UGT3A2: variants seen among roughly 807,000 people sequenced by gnomAD.
UGT3A2 encodes UDP glycosyltransferase family 3 member A2, also known as UDP-glycosyltransferase 3A2.
UGT3A2 carries 32 observed loss-of-function variants against 39.8 expected under a neutral mutation model. The observed-to-expected ratio is 0.80, with a 90% CI of 0.61 to 1.08. UGT3A2 has a LOEUF of 1.08. Ranked by LOEUF, UGT3A2 falls within the 50% of genes least tolerant of loss-of-function variation. The pLI is 0.00. For missense variants in UGT3A2, 611 were observed against 637.1 expected (o/e 0.96, Z 0.44); for synonymous variants, 241 against 230.7 (o/e 1.04, Z -0.40).
intron 2 of UGT3A2, among the ~76,000 whole-genome samples, chr5:36,056,549 G>A (rs781298643): frequency 6.6e-6 from 1 of 152,196 alleles, no homozygotes; most frequent in Non-Finnish European, 1.5e-5. Flanking sequence ...GCAGACTCAG[G>A]CAAGTTGGTA....
chr5:36,056,630 C>T (rs150923645), intron 2 of UGT3A2, among the ~76,000 whole-genome samples: 6 of 152,318 alleles, frequency 3.9e-5, no homozygotes, highest in Non-Finnish European at 7.3e-5. Flanking sequence ...ATACTCTGAC[C>T]GTTTAATCCT....
At chr5:36,064,571 A>G (rs267770) in intron 1 of UGT3A2, among the ~76,000 whole-genome samples, 46,087 of 152,088 alleles carry the variant, frequency 0.3, 7,925 homozygotes, top group Non-Finnish European at 0.38. Flanking sequence ...TCCGTGAGAG[A>G]TTGCCTCTTG....
intron 4 of UGT3A2, among the ~76,000 whole-genome samples, chr5:36,040,742 A>G (rs1488166646): frequency 1.3e-5 from 2 of 152,174 alleles, no homozygotes; most frequent in African/African-American, 4.8e-5. Context: ...TGGGGTTCAA[A>G]ATAAACTTGA....
At chr5:36,058,155 G>T (rs1326242905) in intron 2 of UGT3A2, among the ~76,000 whole-genome samples, 1 of 152,114 alleles carries the variant, frequency 6.6e-6, no homozygotes, top group Non-Finnish European at 1.5e-5. Context: ...TGGATTAATG[G>T]ATAAACAAAA....
chr5:36,041,610 A>G (rs1183713249), intron 4 of UGT3A2, among the ~76,000 whole-genome samples: 1 of 152,140 alleles, frequency 6.6e-6, no homozygotes, highest in Non-Finnish European at 1.5e-5. Flanking sequence ...AATCCAAGGA[A>G]TTCTCCTGGC....
rs1742267662 is a variant in UGT3A2 at position 36,049,290 on chromosome 5, CAA to C, written c.440_441del (p.Phe147Ter). The C allele has an allele frequency of 2.5e-6, 4 of 1,614,108 alleles. No individual in the cohort carries two copies. In the East Asian group the frequency reaches 8.9e-5, roughly 36 times the overall value. On this transcript the variant is annotated frameshift_variant, in exon 4 of 7. Coordinates refer to ENST00000282507, the MANE Select transcript of UGT3A2 (RefSeq NM_174914.4). LOFTEE classifies it high-confidence loss of function. ...ENFDMVIVET[F>X]DYCPFLIAEK... ...TCAGCAATCAGGAAAGGACAGTAGTCAAAAGTTTCAACTATCACCATGTCGAA... is the reference window on the plus strand; with the variant it reads ...TCAGCAATCAGGAAAGGACAGTAGTCAAGTTTCAACTATCACCATGTCGAA...
chr5:36,040,208 T>A (rs1000187338), intron 4 of UGT3A2, among the ~76,000 whole-genome samples: 2 of 152,182 alleles, frequency 1.3e-5, no homozygotes, highest in Non-Finnish European at 2.9e-5. Flanking sequence ...GTCACTGATC[T>A]TTTTGTACAC....
At position 36,066,808 on chromosome 5, in the gene UGT3A2, C is replaced by G; in HGVS notation, c.-19G>C. 1 of 1,614,146 alleles carries G rather than the reference C, an allele frequency of 6.2e-7. No individual in the cohort carries two copies. The highest frequency in any genetic ancestry group is 8.5e-7 in the Non-Finnish European group (1 of 1,179,990). ...CAGCCATGCTCACTTCTACGGAAGCCGCGGATCTCAGCCTGGGCTGCGCGC... is the reference window on the plus strand; with the variant it reads ...CAGCCATGCTCACTTCTACGGAAGCGGCGGATCTCAGCCTGGGCTGCGCGC... On this transcript the variant is annotated 5_prime_UTR_variant, in exon 1 of 7. Transcript: ENST00000282507.
At chr5:36,066,198 G>T (rs1359578580) in intron 1 of UGT3A2, among the ~76,000 whole-genome samples, 1 of 152,142 alleles carries the variant, frequency 6.6e-6, no homozygotes, top group East Asian at 1.9e-4. Flanking sequence ...ACCTGCCTGC[G>T]CCACCCTGGC....
At chr5:36,043,332 A>C (rs948539645) in intron 4 of UGT3A2, among the ~76,000 whole-genome samples, 2 of 152,068 alleles carry the variant, frequency 1.3e-5, no homozygotes, top group Non-Finnish European at 2.9e-5. Context: ...TATTGAAACA[A>C]ATGATAATGA....
intron 3 of UGT3A2, among the ~76,000 whole-genome samples, chr5:36,050,354 C>T (rs980833827): frequency 1.3e-5 from 2 of 152,050 alleles, no homozygotes; most frequent in African/African-American, 4.8e-5. Flanking sequence ...ATGCCTAGGC[C>T]AGCTGCAGTA....
At chr5:36,066,223 CACA>C (rs1742873944) in intron 1 of UGT3A2, among the ~76,000 whole-genome samples, 2 of 152,320 alleles carry the variant, frequency 1.3e-5, no homozygotes, top group East Asian at 1.9e-4. Context: ...GATGCAGCTT[CACA>C]ACATTTGCAG....
At chr5:36,043,161 A>C (rs1368547050) in intron 4 of UGT3A2, among the ~76,000 whole-genome samples, 1 of 152,112 alleles carries the variant, frequency 6.6e-6, no homozygotes, top group Admixed American at 6.5e-5. Context: ...AATTCAAAAA[A>C]ATTGAAATTA....
At position 36,035,639 on chromosome 5, in the gene UGT3A2, G is replaced by A. The variant is rs963125137; in HGVS notation, c.*59C>T. 5.7e-6 allele frequency: 9 copies of A among 1,572,250 alleles called. No individual in the cohort carries two copies. Among genetic ancestry groups the A allele is most frequent in the African/African-American group, 1.4e-5 (1 of 73,708 alleles). On this transcript the variant is annotated 3_prime_UTR_variant, in exon 7 of 7. Coordinates refer to ENST00000282507, the MANE Select transcript of UGT3A2 (RefSeq NM_174914.4). ...ATGGGGCTGCCAGAACTAGTGGGAA[G>A]CTCCCTAGAAATGGTGACATCGCCC...
At chr5:36,043,418 C>T (rs892732409) in intron 4 of UGT3A2, among the ~76,000 whole-genome samples, 2 of 151,940 alleles carry the variant, frequency 1.3e-5, no homozygotes, top group Admixed American at 6.6e-5. Flanking sequence ...TAAGTGCCTA[C>T]ATCAAAAGAG....
chr5:36,049,504 A>G (rs1742277108), intron 3 of UGT3A2, 84 bp from the exon 4 acceptor site: 2 of 1,115,824 alleles, frequency 1.8e-6, no homozygotes, highest in Non-Finnish European at 2.5e-6. Context: ...CAAAGAAAAT[A>G]TCCCAGGAAA....
chr5:36,047,283 A>G lies in UGT3A2; in HGVS notation c.843+1606T>C, dbSNP rs556965203. Among the ~76,000 whole-genome samples the G allele has an allele frequency of 2.0e-5, 3 of 152,344 alleles. No homozygotes were observed. In the East Asian group the frequency reaches 5.8e-4, roughly 29 times the overall value. ...GCCCCAACCACCTTGGGCACATGTC[A>G]TCAGGACCTCCTGAAGCTGTCATGG... On this transcript the variant is annotated intron_variant, in intron 4 of 6. Coordinates refer to ENST00000282507, the MANE Select transcript of UGT3A2 (RefSeq NM_174914.4).
intron 2 of UGT3A2, among the ~76,000 whole-genome samples, chr5:36,061,569 C>G (rs1323256010): frequency 3.6e-3 from 479 of 134,164 alleles, no homozygotes; most frequent in African/African-American, 6.0e-3. Context: ...AGGACATGAA[C>G]TCATCATTTT....
rs959307136 is a variant in UGT3A2, at chr5:36,052,452, T to C, written c.197-468A>G. Among the ~76,000 whole-genome samples, 5 of 84,656 alleles carry C rather than the reference T, an allele frequency of 5.9e-5. 1 individual carries two copies. The Middle Eastern group carries it at 0.023, about 385-fold the overall frequency. The allele number at this position is 84,656 out of a possible 152,430, so 55.5% of individuals were successfully genotyped here. Reference sequence around the variant, plus strand: ...CTTGGCCCCTTCTTCATTATCCATGTGTAATAAGAAGTCTGACTCCATTTT... The same window carrying C: ...CTTGGCCCCTTCTTCATTATCCATGCGTAATAAGAAGTCTGACTCCATTTT... On this transcript the variant is annotated intron_variant, in intron 2 of 6. Transcript: ENST00000282507.
Sources: allele counts gnomAD v4.1 joint callset (sites outside exome capture counted in the v4.1 genomes callset), GRCh38; gene constraint gnomAD v4.1.1; transcripts MANE v1.5; gene names NCBI Gene and HGNC (gene_info 2026-07-23, HGNC 2026-07-21).